Variants in CACHD1 observed in about 807,000 individuals in gnomAD.
The protein encoded by CACHD1 is VWFA and cache domain-containing protein 1.
CACHD1 carries 71 observed loss-of-function variants against 138.7 expected under a neutral mutation model. The observed-to-expected ratio is 0.51, with a 90% confidence interval of 0.42 to 0.62. The LOEUF is 0.62. CACHD1 is among the 20% of genes least tolerant of loss of function. CACHD1 has a pLI of 0.00. For synonymous variants in CACHD1, 578 were observed against 591.5 expected (o/e 0.98, Z 0.33); for missense variants, 1,389 against 1,625.3 (o/e 0.85, Z 2.50).
At chr1:64,482,694 C>G (rs553513513) in intron 1 of CACHD1, among the ~76,000 whole-genome samples, 6 of 152,110 alleles carry the variant, frequency 3.9e-5, no homozygotes, top group African/African-American at 1.4e-4. Context: ...GGGGGGTTAG[C>G]CTGTGTGCTA....
rs926780029 is a variant in CACHD1 at position 64,692,052 on chromosome 1, T to A, written c.*491T>A. 3 of 163,094 alleles carry A rather than the reference T, an allele frequency of 1.8e-5. No individual in the cohort carries two copies. The highest frequency in any genetic ancestry group is 7.2e-5 in the African/African-American group (3 of 41,822). 10.1% of individuals were successfully genotyped at this position (163,094 alleles called of 1,614,324 possible). A position where few individuals can be genotyped will look rare whatever the true frequency, so the allele number is the denominator to read the frequency against. Reference sequence around the variant, plus strand: ...TACCACAGTTGCTGTATGGAACTCATGTTATGCTCTAAACGATGCATCTCA... The same window carrying A: ...TACCACAGTTGCTGTATGGAACTCAAGTTATGCTCTAAACGATGCATCTCA... On this transcript the variant is annotated 3_prime_UTR_variant, in exon 27 of 27. Transcript: ENST00000651257.
At chr1:64,680,638 C>T (rs2100736011) in intron 24 of CACHD1, among the ~76,000 whole-genome samples, 1 of 152,284 alleles carries the variant, frequency 6.6e-6, no homozygotes, top group South Asian at 2.1e-4. Context: ...CTCCATCCTT[C>T]CTAAAACCCC....
At chr1:64,478,521 C>T (rs1378117818) in intron 1 of CACHD1, among the ~76,000 whole-genome samples, 5 of 152,164 alleles carry the variant, frequency 3.3e-5, no homozygotes, top group African/African-American at 1.2e-4. Flanking sequence ...TATATAATGT[C>T]TTCTGATCAG....
chr1:64,653,386 TAAA>T (rs60661882), intron 10 of CACHD1, among the ~76,000 whole-genome samples: 24,760 of 108,262 alleles, frequency 0.23, 3,559 homozygotes, highest in East Asian at 0.61. Context: ...TAAAAGAAGT[TAAA>T]AAAAAAAAAA....
At chr1:64,544,680 AC>A (rs113288366) in intron 1 of CACHD1, among the ~76,000 whole-genome samples, 30 of 151,986 alleles carry the variant, frequency 2.0e-4, no homozygotes, top group African/African-American at 6.8e-4. Flanking sequence ...ACTGTATTCA[AC>A]TGTTATTATG....
intron 24 of CACHD1, among the ~76,000 whole-genome samples, chr1:64,680,503 A>T (rs992980913): frequency 1.3e-5 from 2 of 151,998 alleles, no homozygotes; most frequent in African/African-American, 4.8e-5. Flanking sequence ...AAAAAAAGTC[A>T]TCGAAGCCAA....
chr1:64,682,246 T>C lies in CACHD1; in HGVS notation c.3586+140T>C, dbSNP rs878859909. 2.6e-4 allele frequency: 184 copies of C among 705,568 alleles called. No individual in the cohort carries two copies. The South Asian group carries it at 3.1e-3, about 12-fold the overall frequency. The allele number at this position is 705,568 out of a possible 1,614,324, so 43.7% of individuals were successfully genotyped here. A position where few individuals can be genotyped will look rare whatever the true frequency, so the allele number is the denominator to read the frequency against. On this transcript the variant is annotated intron_variant, in intron 26 of 26. Coordinates refer to ENST00000651257, the MANE Select transcript of CACHD1 (RefSeq NM_020925.4). ...CTGGTTTATAAGAGCCCGAGGACAG[T>C]TTTACTTATGTCTCAGCACTCCTCT...
At chr1:64,599,992 C>T (rs1186037952) in intron 3 of CACHD1, among the ~76,000 whole-genome samples, 2 of 152,086 alleles carry the variant, frequency 1.3e-5, no homozygotes, top group Non-Finnish European at 2.9e-5. Flanking sequence ...TATGCAGAAT[C>T]GTATGTGGTT....
At chr1:64,483,712 G>A (rs1184972767) in intron 1 of CACHD1, among the ~76,000 whole-genome samples, 1 of 149,512 alleles carries the variant, frequency 6.7e-6, no homozygotes, top group Non-Finnish European at 1.5e-5. Flanking sequence ...AAGTGCCAAG[G>A]AGATCTTTTA....
At chr1:64,612,519 G>A in intron 4 of CACHD1, among the ~76,000 whole-genome samples, 1 of 152,158 alleles carries the variant, frequency 6.6e-6, no homozygotes, top group East Asian at 1.9e-4. Flanking sequence ...TGAAGGATAA[G>A]TCTAGGTAGT....
chr1:64,669,660 C>A (rs1027058330), intron 16 of CACHD1, among the ~76,000 whole-genome samples: 2 of 151,172 alleles, frequency 1.3e-5, no homozygotes, highest in African/African-American at 4.9e-5. Flanking sequence ...ACAGCCTGGT[C>A]TGTTGTACTT....
At chr1:64,486,762 G>A (rs187770141) in intron 1 of CACHD1, among the ~76,000 whole-genome samples, 1 of 152,178 alleles carries the variant, frequency 6.6e-6, no homozygotes, top group Non-Finnish European at 1.5e-5. Context: ...TGGGAGCTGG[G>A]AGCACACTGA....
intron 1 of CACHD1, among the ~76,000 whole-genome samples, chr1:64,523,446 A>C (rs1646512922): frequency 6.6e-6 from 1 of 152,210 alleles, no homozygotes; most frequent in South Asian, 2.1e-4. Flanking sequence ...TTTGCTTTAC[A>C]TAAAAGTGAG....
chr1:64,663,573 AG>A (rs1198806369), intron 13 of CACHD1, 121 bp from the exon 14 acceptor site: 9 of 1,224,780 alleles, frequency 7.3e-6, no homozygotes, highest in Non-Finnish European at 1.0e-5. Context: ...AAAGAAAAAA[AG>A]GAAAAAAAAA....
At chr1:64,650,640 T>C (rs1476636788) in intron 9 of CACHD1, among the ~76,000 whole-genome samples, 1 of 152,206 alleles carries the variant, frequency 6.6e-6, no homozygotes, top group East Asian at 1.9e-4. Flanking sequence ...TATGCAACCA[T>C]AGCAACTCAA....
intron 1 of CACHD1, among the ~76,000 whole-genome samples, chr1:64,488,713 A>C (rs1478103438): frequency 1.3e-5 from 2 of 152,250 alleles, no homozygotes; most frequent in African/African-American, 4.8e-5. Context: ...TCACATTAGA[A>C]TTCTATAAAT....
At chr1:64,642,507 C>T (rs750609372) in intron 8 of CACHD1, among the ~76,000 whole-genome samples, 2 of 152,172 alleles carry the variant, frequency 1.3e-5, no homozygotes, top group African/African-American at 4.8e-5. Context: ...CAGTAAACAA[C>T]TTATTAAAAT....
rs368652608 is a variant in CACHD1 at position 64,675,168 on chromosome 1, AAG to A, written c.2728-231_2728-230del. 3.3e-4 allele frequency among the ~76,000 whole-genome samples: 50 copies of A among 152,360 alleles called. No individual in the cohort carries two copies. In the East Asian group the frequency reaches 4.2e-3, roughly 13 times the overall value. ...GTTACATTTGTATAAGCACAGATAA[AAG>A]AATTCATAATATATACACAGCTGTT... On this transcript the variant is annotated intron_variant, in intron 19 of 26. Transcript: ENST00000651257.
intron 1 of CACHD1, among the ~76,000 whole-genome samples, chr1:64,497,518 T>G (rs1646312624): frequency 6.6e-6 from 1 of 152,150 alleles, no homozygotes; most frequent in African/African-American, 2.4e-5. Context: ...TTGAAATTAA[T>G]GTGATGGTTA....
Sources: gnomAD v4.1 joint callset for allele counts (sites outside exome capture counted in the v4.1 genomes callset) on GRCh38, gnomAD v4.1.1 for gene constraint, MANE v1.5 for transcripts, NCBI Gene and HGNC (gene_info 2026-07-23, HGNC 2026-07-21) for gene names.